EYA4: variants seen among roughly 807,000 people sequenced by gnomAD.
EYA4 encodes the protein protein phosphatase EYA4.
EYA4 carries 31 observed loss-of-function variants against 87.9 expected under a neutral mutation model. The observed-to-expected ratio is 0.35, with a 90% confidence interval of 0.27 to 0.48. The LOEUF (loss-of-function observed/expected upper bound fraction) is 0.48. EYA4 is among the 20% of genes least tolerant of loss of function. The pLI, the probability that EYA4 is intolerant of heterozygous loss-of-function variation, is 0.99. For synonymous variants in EYA4, 263 were observed against 270.6 expected (o/e 0.97, Z 0.28); for missense variants, 678 against 761.4 (o/e 0.89, Z 1.29).
At chr6:133,278,744 G>A (rs867825077) in intron 2 of EYA4, among the ~76,000 whole-genome samples, 3 of 152,160 alleles carry the variant, frequency 2.0e-5, no homozygotes, top group South Asian at 4.2e-4. Flanking sequence ...TTGGCATTCT[G>A]GCTTAGAGGA....
intron 16 of EYA4, 84 bp downstream of exon 16, chr6:133,513,122 G>T: frequency 7.3e-7 from 1 of 1,374,052 alleles, no homozygotes; most frequent in Non-Finnish European, 1.0e-6. Flanking sequence ...AGATGATTCT[G>T]CTGTAAAAGA....
chr6:133,275,182 A>G (rs1158375025), intron 2 of EYA4, among the ~76,000 whole-genome samples: 1 of 152,228 alleles, frequency 6.6e-6, no homozygotes, highest in African/African-American at 2.4e-5. Flanking sequence ...AAAGTATATT[A>G]TTAGCATGCT....
chr6:133,307,134 C>T lies in EYA4; in HGVS notation c.33+32321C>T, dbSNP rs1051576278. 9.9e-5 allele frequency among the ~76,000 whole-genome samples: 15 copies of T among 152,272 alleles called. 1 individual carries two copies. The highest frequency in any genetic ancestry group is 8.5e-4 in the Admixed American group (13 of 15,296). On this transcript the variant is annotated intron_variant, in intron 2 of 19. Transcript: ENST00000355286. ...GATCCAGCACATGATGAATGTGAGG[C>T]GAGTTTCATTAGGAGCCTCCTAGCA...
chr6:133,441,691 C>T (rs573234867), intron 3 of EYA4, among the ~76,000 whole-genome samples: 84 of 151,674 alleles, frequency 5.5e-4, no homozygotes, highest in African/African-American at 1.8e-3. Context: ...TGAGTCAGGG[C>T]GGAGCAGGTA....
At chr6:133,305,525 T>C (rs536880837) in intron 2 of EYA4, among the ~76,000 whole-genome samples, 2 of 152,338 alleles carry the variant, frequency 1.3e-5, no homozygotes, top group East Asian at 3.9e-4. Flanking sequence ...CGTTTGACTG[T>C]TAAAGCTTCT....
At chr6:133,400,306 G>A (rs949187212) in intron 3 of EYA4, among the ~76,000 whole-genome samples, 4 of 151,964 alleles carry the variant, frequency 2.6e-5, no homozygotes, top group Admixed American at 6.6e-5. Context: ...TCAGGAGTTC[G>A]AGACCAGCCT....
chr6:133,443,022 A>G (rs754767993), intron 3 of EYA4, among the ~76,000 whole-genome samples: 20 of 152,064 alleles, frequency 1.3e-4, no homozygotes, highest in Non-Finnish European at 2.1e-4. Context: ...TGATTTGAGA[A>G]TATTTTGTTA....
intron 3 of EYA4, among the ~76,000 whole-genome samples, chr6:133,389,570 C>A (rs144899658): frequency 7.4e-4 from 113 of 152,270 alleles, no homozygotes; most frequent in African/African-American, 2.6e-3. Context: ...GCAATTGCTC[C>A]TGGAATATCT....
At chr6:133,505,893 C>T (rs534643313) in intron 13 of EYA4, among the ~76,000 whole-genome samples, 1 of 152,106 alleles carries the variant, frequency 6.6e-6, no homozygotes, top group Admixed American at 6.6e-5. Context: ...GTCATCGTTA[C>T]GTATGTCTGA....
intron 17 of EYA4, among the ~76,000 whole-genome samples, chr6:133,521,786 T>TA (rs1357840135): frequency 1.2e-5 from 1 of 85,012 alleles, no homozygotes; most frequent in East Asian, 3.7e-4. Context: ...TATGCAGCCA[T>TA]AAAAAATGAT....
intron 17 of EYA4, among the ~76,000 whole-genome samples, chr6:133,522,021 C>G (rs1362396712): frequency 1.5e-5 from 2 of 130,052 alleles, no homozygotes; most frequent in Non-Finnish European, 3.3e-5. Flanking sequence ...TGCTAGATGA[C>G]GAGTTAGTGG....
chr6:133,439,991 G>A (rs1032745480), intron 3 of EYA4, among the ~76,000 whole-genome samples: 4 of 152,188 alleles, frequency 2.6e-5, no homozygotes, highest in Non-Finnish European at 5.9e-5. Flanking sequence ...TACTGCACAA[G>A]GGCTAACCTC....
intron 2 of EYA4, among the ~76,000 whole-genome samples, chr6:133,372,219 T>TGC (rs1314776518): frequency 6.6e-6 from 1 of 152,122 alleles, no homozygotes; most frequent in Non-Finnish European, 1.5e-5. Flanking sequence ...GTCACATGCT[T>TGC]GTATGTGTGA....
At chr6:133,292,125 G>A (rs531126561) in intron 2 of EYA4, among the ~76,000 whole-genome samples, 19 of 152,288 alleles carry the variant, frequency 1.2e-4, no homozygotes, top group African/African-American at 3.1e-4. Context: ...TTTCCAGAGT[G>A]CTTGTCCACT....
intron 11 of EYA4, among the ~76,000 whole-genome samples, chr6:133,475,756 T>TA (rs965797089): frequency 5.3e-5 from 8 of 152,130 alleles, no homozygotes; most frequent in East Asian, 1.9e-4. Context: ...TTTCTTCTTT[T>TA]AAAAAAAAGT....
At chr6:133,254,406 GC>G (rs1287617877) in intron 1 of EYA4, among the ~76,000 whole-genome samples, 2 of 152,066 alleles carry the variant, frequency 1.3e-5, no homozygotes, top group African/African-American at 4.8e-5. Flanking sequence ...AATATACGTG[GC>G]CTTTTGCTGA....
intron 3 of EYA4, among the ~76,000 whole-genome samples, chr6:133,406,766 C>T (rs935449557): frequency 9.2e-5 from 14 of 152,000 alleles, no homozygotes; most frequent in East Asian, 7.7e-4. Flanking sequence ...GTGTACTATG[C>T]GATTTTTAAT....
At chr6:133,398,123 G>A (rs1284264789) in intron 3 of EYA4, among the ~76,000 whole-genome samples, 1 of 152,166 alleles carries the variant, frequency 6.6e-6, no homozygotes, top group Non-Finnish European at 1.5e-5. Context: ...AAGAAAAGGG[G>A]GGGAGGACAG....
intron 1 of EYA4, among the ~76,000 whole-genome samples, chr6:133,271,310 A>T (rs1776667259): frequency 6.6e-6 from 1 of 152,148 alleles, no homozygotes; most frequent in African/African-American, 2.4e-5. Flanking sequence ...CTTCAGGATG[A>T]TGGGGTACAT....
Sources: allele counts gnomAD v4.1 joint callset (sites outside exome capture counted in the v4.1 genomes callset), GRCh38; gene constraint gnomAD v4.1.1; transcripts MANE v1.5; gene names NCBI Gene and HGNC (gene_info 2026-07-23, HGNC 2026-07-21).